Variants in DNAAF9 observed in about 807,000 individuals in gnomAD.
The protein encoded by DNAAF9 is dynein axonemal assembly factor 9, also known as shulin.
A neutral mutation model predicts 167.0 loss-of-function variants in DNAAF9; 90 were observed. That is an observed-to-expected ratio of 0.54 (90% CI 0.45 to 0.64). DNAAF9 has a LOEUF of 0.64. Among genes scored for constraint, DNAAF9 ranks in the 30% least tolerant of loss-of-function variants. The pLI is 0.00. For missense variants in DNAAF9, 1,315 were observed against 1,442.2 expected (o/e 0.91, Z 1.43); for synonymous variants, 491 against 508.8 (o/e 0.96, Z 0.47).
chr20:3,267,185 C>T (rs1662228342), intron 30 of DNAAF9, among the ~76,000 whole-genome samples: 1 of 152,174 alleles, frequency 6.6e-6, no homozygotes, highest in Admixed American at 6.6e-5. Flanking sequence ...TGTGGACACA[C>T]ATTTTATTCC....
chr20:3,309,473 T>C (rs1413685394), intron 20 of DNAAF9, among the ~76,000 whole-genome samples: 1 of 152,176 alleles, frequency 6.6e-6, no homozygotes, highest in African/African-American at 2.4e-5. Context: ...AATAAGACAA[T>C]GTGTTATTTT....
intron 12 of DNAAF9, among the ~76,000 whole-genome samples, chr20:3,329,088 T>G (rs1474709540): frequency 1.3e-5 from 2 of 152,194 alleles, no homozygotes; most frequent in Non-Finnish European, 2.9e-5. Flanking sequence ...CAGGCTGGTC[T>G]TGAACTCCTG....
In DNAAF9 at chr20:3,304,795, G is replaced by A. The variant is rs993600264; in HGVS notation, c.1679-252C>T. Among the ~76,000 whole-genome samples the A allele has an allele frequency of 3.3e-5, 5 of 152,286 alleles. No individual in the cohort carries two copies. The East Asian group carries it at 9.6e-4, about 29-fold the overall frequency. On this transcript the variant is annotated intron_variant, in intron 20 of 36. Coordinates refer to ENST00000252032, the MANE Select transcript of DNAAF9 (RefSeq NM_001009984.3). Reference sequence around the variant, plus strand: ...AAGTGAATAAACTATCAGCTAATGGGGAGAAGCAAAATTCACATTACCTTA... The same window carrying A: ...AAGTGAATAAACTATCAGCTAATGGAGAGAAGCAAAATTCACATTACCTTA...
chr20:3,318,207 T>C (rs986355849), intron 17 of DNAAF9, 82 bp downstream of exon 17: 5 of 670,738 alleles, frequency 7.5e-6, no homozygotes, highest in Non-Finnish European at 1.3e-5. Context: ...TTGTTGGCCT[T>C]TTGCCTTAGT....
chr20:3,310,067 C>A (rs1438434549), intron 20 of DNAAF9, among the ~76,000 whole-genome samples: 1 of 151,972 alleles, frequency 6.6e-6, no homozygotes, highest in Non-Finnish European at 1.5e-5. Context: ...TGGTGCATGT[C>A]TGTAATCCCA....
chr20:3,332,508 C>CA (rs930360170), intron 10 of DNAAF9, 147 bp from the exon 11 acceptor site: 51 of 497,992 alleles, frequency 1.0e-4, no homozygotes, highest in Non-Finnish European at 1.8e-4. Context: ...GGATGGAGTG[C>CA]AGTGGCGCAA....
chr20:3,270,405 G>A (rs1439355606), intron 30 of DNAAF9, 22 bp downstream of exon 30: 4 of 1,609,366 alleles, frequency 2.5e-6, no homozygotes, highest in African/African-American at 1.3e-5. Context: ...AACTGGTCTT[G>A]CAGAGTGAAT....
intron 1 of DNAAF9, 41 bp downstream of exon 1, chr20:3,407,434 C>A: frequency 7.8e-7 from 1 of 1,274,858 alleles, no homozygotes; most frequent in South Asian, 2.6e-5. Context: ...CAGCCCGCAT[C>A]CCCCGCCCGG....
chr20:3,313,262 C>T (rs1356456206), intron 20 of DNAAF9, among the ~76,000 whole-genome samples: 1 of 152,214 alleles, frequency 6.6e-6, no homozygotes, highest in Non-Finnish European at 1.5e-5. Context: ...TTCTCTGCAC[C>T]AGGATCTGGA....
chr20:3,365,584 G>T (rs182321746), intron 6 of DNAAF9, among the ~76,000 whole-genome samples: 7 of 151,940 alleles, frequency 4.6e-5, no homozygotes, highest in Admixed American at 6.5e-5. Context: ...TAGAGACAGG[G>T]TTTCACCATA....
At chr20:3,372,327 G>A (rs2083521853) in intron 6 of DNAAF9, among the ~76,000 whole-genome samples, 1 of 152,166 alleles carries the variant, frequency 6.6e-6, no homozygotes, top group African/African-American at 2.4e-5. Context: ...GGGGTAGAAT[G>A]AAATGTGCCT....
At chr20:3,322,026 T>G (rs1200328430) in intron 16 of DNAAF9, among the ~76,000 whole-genome samples, 191 bp downstream of exon 16, 1 of 152,180 alleles carries the variant, frequency 6.6e-6, no homozygotes, top group Non-Finnish European at 1.5e-5. Context: ...TGGGTGGGCC[T>G]AGCACAGCTA....
At chr20:3,306,633 C>A (rs910997937) in intron 20 of DNAAF9, among the ~76,000 whole-genome samples, 3 of 152,154 alleles carry the variant, frequency 2.0e-5, no homozygotes, top group African/African-American at 7.2e-5. Flanking sequence ...AGACACTATA[C>A]CATGCTGGTG....
chr20:3,295,073 G>C lies in DNAAF9; in HGVS notation c.2019-444C>G, dbSNP rs113412212. Among the ~76,000 whole-genome samples the C allele has an allele frequency of 2.0e-3, 297 of 152,192 alleles. 1 individual carries two copies. Among genetic ancestry groups the C allele is most frequent in the Non-Finnish European group, 3.8e-3 (259 of 67,998 alleles). On this transcript the variant is annotated intron_variant, in intron 23 of 36. Coordinates refer to ENST00000252032, the MANE Select transcript of DNAAF9 (RefSeq NM_001009984.3). ...TTTAGTAGAGACGGGGTTTCACTGT[G>C]TTAGCCAGGATGGTCCCGATCTCCT... is the stretch of plus-strand genomic sequence containing the variant.
intron 23 of DNAAF9, chr20:3,296,319 G>A (rs541011007): frequency 3.6e-5 from 13 of 363,950 alleles, no homozygotes; most frequent in Non-Finnish European, 5.9e-5. Context: ...TGCTTGGCCC[G>A]GGTCAGGGCT....
At chr20:3,319,082 CAA>C (rs71195834) in intron 16 of DNAAF9, among the ~76,000 whole-genome samples, 30 of 71,122 alleles carry the variant, frequency 4.2e-4, no homozygotes, top group East Asian at 1.0e-3. Flanking sequence ...GACTCTGTCT[CAA>C]AAAAAAAAAA....
intron 7 of DNAAF9, among the ~76,000 whole-genome samples, chr20:3,353,631 G>A (rs1420708964): frequency 2.7e-5 from 1 of 37,356 alleles, no homozygotes; most frequent in African/African-American, 1.6e-4. Flanking sequence ...CTGTCCCCCC[G>A]CACCACCCCC....
At chr20:3,289,546 G>T (rs1225937960) in intron 26 of DNAAF9, among the ~76,000 whole-genome samples, 1 of 151,852 alleles carries the variant, frequency 6.6e-6, no homozygotes, top group Non-Finnish European at 1.5e-5. Flanking sequence ...TTTAATCAGG[G>T]TCTCACTCTG....
chr20:3,377,466 T>C (rs911265432), intron 3 of DNAAF9, among the ~76,000 whole-genome samples: 1 of 150,764 alleles, frequency 6.6e-6, no homozygotes, highest in Non-Finnish European at 1.5e-5. Context: ...TCTGTTTTCT[T>C]TCTTTTTTTT....
Sources: gnomAD v4.1 joint callset for allele counts (sites outside exome capture counted in the v4.1 genomes callset) on GRCh38, gnomAD v4.1.1 for gene constraint, MANE v1.5 for transcripts, NCBI Gene and HGNC (gene_info 2026-07-23, HGNC 2026-07-21) for gene names.